The following KATNAL1 variants were observed in gnomAD, a reference collection of about 807,000 sequenced individuals.
KATNAL1 encodes katanin p60 ATPase-containing subunit A-like 1.
Under a neutral mutation model 55.2 loss-of-function variants are expected in KATNAL1, and 32 were observed. The observed-to-expected ratio is 0.58, with a 90% CI of 0.44 to 0.78. KATNAL1 has a LOEUF of 0.78. Among genes scored for constraint, KATNAL1 ranks in the 30% least tolerant of loss-of-function variants. The pLI, the probability that KATNAL1 is intolerant of heterozygous loss-of-function variation, is 0.00. For missense variants in KATNAL1, 466 were observed against 600.9 expected, an observed-to-expected ratio of 0.78 and a Z score of 2.35; for synonymous variants, 193 against 193.6, an observed-to-expected ratio of 1.00 and a Z score of 0.02.
chr13:30,270,125 C>T (rs1277160028), intron 3 of KATNAL1, among the ~76,000 whole-genome samples: 12 of 130,102 alleles, frequency 9.2e-5, no homozygotes, highest in Non-Finnish European at 1.4e-4. Context: ...AGGTGAGGGG[C>T]GCCTCTGCCC....
intron 2 of KATNAL1, among the ~76,000 whole-genome samples, chr13:30,280,817 G>A (rs1481707174): frequency 1.3e-5 from 2 of 151,976 alleles, no homozygotes; most frequent in Non-Finnish European, 2.9e-5. Flanking sequence ...TCAAAGACAA[G>A]ATTTTTCCTG....
intron 3 of KATNAL1, among the ~76,000 whole-genome samples, chr13:30,279,043 A>C (rs1425934113): frequency 6.6e-6 from 1 of 152,252 alleles, no homozygotes; most frequent in African/African-American, 2.4e-5. Flanking sequence ...ATGTTTTTAG[A>C]AAATTTCAAC....
At chr13:30,289,229 CAAAAGCCAAG>C (rs1386496280) in intron 1 of KATNAL1, among the ~76,000 whole-genome samples, 1 of 152,184 alleles carries the variant, frequency 6.6e-6, no homozygotes, top group Non-Finnish European at 1.5e-5. Flanking sequence ...GTCAACTCAT[CAAAAGCCAAG>C]GAAAACCACT....
At chr13:30,300,847 T>C (rs1882809283) in intron 1 of KATNAL1, among the ~76,000 whole-genome samples, 1 of 152,238 alleles carries the variant, frequency 6.6e-6, no homozygotes, top group African/African-American at 2.4e-5. Flanking sequence ...ATTTATTTTT[T>C]ACATGTATAC....
At position 30,264,255 on chromosome 13, in the gene KATNAL1, C is replaced by A. The variant is rs868034507; in HGVS notation, c.324-8640G>T. ...ATGGATTAAAGACTTAAATGTTAGA[C>A]CTAAAACCATAAAAACCCTAGAAGA... On this transcript the variant is annotated intron_variant, in intron 3 of 10. Transcript: ENST00000380615. 2.7e-3 allele frequency among the ~76,000 whole-genome samples: 404 copies of A among 147,658 alleles called. 4 individuals carry two copies. The highest frequency in any genetic ancestry group is 9.7e-3 in the African/African-American group (386 of 39,886).
At chr13:30,269,536 T>C (rs1316280909) in intron 3 of KATNAL1, among the ~76,000 whole-genome samples, 2 of 150,016 alleles carry the variant, frequency 1.3e-5, no homozygotes, top group Non-Finnish European at 3.0e-5. Context: ...CTGCCCATCG[T>C]CTGGGACGTG....
At chr13:30,303,076 T>C (rs567528334) in intron 1 of KATNAL1, among the ~76,000 whole-genome samples, 4 of 152,372 alleles carry the variant, frequency 2.6e-5, no homozygotes, top group African/African-American at 9.6e-5. Context: ...CAAAGCTCAC[T>C]TTTTAATAGG....
At chr13:30,261,592 A>C (rs1465604719) in intron 3 of KATNAL1, among the ~76,000 whole-genome samples, 1 of 152,168 alleles carries the variant, frequency 6.6e-6, no homozygotes. Flanking sequence ...ACAGACTTTA[A>C]ACCAACAAAG....
chr13:30,220,869 T>G (rs557870491), intron 9 of KATNAL1, among the ~76,000 whole-genome samples: 1 of 152,084 alleles, frequency 6.6e-6, no homozygotes, highest in East Asian at 1.9e-4. Flanking sequence ...CTGGCTAACT[T>G]TTGTATGTTT....
intron 4 of KATNAL1, among the ~76,000 whole-genome samples, chr13:30,248,045 G>A (rs17589713): frequency 0.021 from 3,249 of 152,250 alleles, 46 homozygotes; most frequent in Non-Finnish European, 0.033. Context: ...CCTTGAAAGT[G>A]GGAAACTTAA....
At chr13:30,247,610 T>A (rs1877915047) in intron 4 of KATNAL1, among the ~76,000 whole-genome samples, 1 of 152,168 alleles carries the variant, frequency 6.6e-6, no homozygotes, top group Admixed American at 6.5e-5. Context: ...ACAGTCAGCA[T>A]ATACTTCACA....
rs202191464 is a variant in KATNAL1, at chr13:30,261,016, A to T, written c.324-5401T>A. On this transcript the variant is annotated intron_variant, in intron 3 of 10. Coordinates refer to ENST00000380615, the MANE Select transcript of KATNAL1 (RefSeq NM_032116.5). Reference sequence around the variant, plus strand: ...GGGAAGCCCATCAGACTAACAGCGGATCTCTCGGCAGAAACTCTACAAGCC... The same window carrying T: ...GGGAAGCCCATCAGACTAACAGCGGTTCTCTCGGCAGAAACTCTACAAGCC... Among the ~76,000 whole-genome samples the T allele has an allele frequency of 1.5e-3, 230 of 152,112 alleles. 3 individuals are homozygous for T. In the East Asian group the frequency reaches 0.042, roughly 28 times the overall value.
intron 3 of KATNAL1, among the ~76,000 whole-genome samples, chr13:30,275,745 T>G (rs745517895): frequency 2.6e-5 from 4 of 152,118 alleles, no homozygotes; most frequent in Non-Finnish European, 4.4e-5. Flanking sequence ...TGTGAGGTAA[T>G]TGATATGCTA....
At chr13:30,256,630 A>G (rs1313927349) in intron 3 of KATNAL1, among the ~76,000 whole-genome samples, 1 of 152,160 alleles carries the variant, frequency 6.6e-6, no homozygotes, top group Non-Finnish European at 1.5e-5. Flanking sequence ...CATATGCATA[A>G]TTCAAAGATA....
intron 9 of KATNAL1, among the ~76,000 whole-genome samples, chr13:30,219,647 A>G (rs964102160): frequency 6.6e-6 from 1 of 152,240 alleles, no homozygotes; most frequent in African/African-American, 2.4e-5. Context: ...AATATAGATA[A>G]AAGAAAAAGA....
intron 4 of KATNAL1, among the ~76,000 whole-genome samples, chr13:30,254,560 C>T (rs920790941): frequency 1.3e-5 from 2 of 152,038 alleles, no homozygotes; most frequent in Admixed American, 6.6e-5. Context: ...GAGTCCTTAC[C>T]TACAGATCAA....
intron 9 of KATNAL1, among the ~76,000 whole-genome samples, chr13:30,226,929 A>C (rs1875535138): frequency 6.6e-6 from 1 of 152,110 alleles, no homozygotes; most frequent in Admixed American, 6.5e-5. Flanking sequence ...CACCAAAATT[A>C]GCTGGGTGTG....
chr13:30,219,007 T>C (rs914489395), intron 9 of KATNAL1, among the ~76,000 whole-genome samples: 2 of 152,196 alleles, frequency 1.3e-5, no homozygotes, highest in South Asian at 2.1e-4. Context: ...TAAATAAATA[T>C]GGGTATTTCT....
At chr13:30,239,230 C>G (rs1877000537) in intron 6 of KATNAL1, among the ~76,000 whole-genome samples, 1 of 152,046 alleles carries the variant, frequency 6.6e-6, no homozygotes, top group Non-Finnish European at 1.5e-5. Context: ...GCCAACATGG[C>G]AAAACCCAGC....
Sources: gnomAD v4.1 joint callset for allele counts (sites outside exome capture counted in the v4.1 genomes callset) on GRCh38, gnomAD v4.1.1 for gene constraint, MANE v1.5 for transcripts, NCBI Gene and HGNC (gene_info 2026-07-23, HGNC 2026-07-21) for gene names.